The following RALGAPA1 variants were observed in gnomAD, a reference collection of about 807,000 sequenced individuals.
RALGAPA1 encodes Ral GTPase activating protein catalytic subunit alpha 1.
A neutral mutation model predicts 269.6 loss-of-function variants in RALGAPA1; 52 were observed. That is an observed-to-expected ratio of 0.19 (90% CI 0.15 to 0.24). The LOEUF (loss-of-function observed/expected upper bound fraction) is 0.24. RALGAPA1 is among the 10% of genes least tolerant of loss of function. The probability of loss-of-function intolerance (pLI) is 1.00; values close to 1 mark genes in which losing one functional copy is unlikely to be tolerated. For synonymous variants in RALGAPA1, 817 were observed against 1,008.3 expected (o/e 0.81, Z 3.60); for missense variants, 1,917 against 3,013.9 (o/e 0.64, Z 8.52).
At chr14:35,636,212 G>A (rs530460585) in intron 31 of RALGAPA1, among the ~76,000 whole-genome samples, 1 of 151,888 alleles carries the variant, frequency 6.6e-6, no homozygotes, top group African/African-American at 2.4e-5. Flanking sequence ...ATGCCTGGAT[G>A]GACACTTTTA....
At chr14:35,766,885 C>T (rs2074202585) in intron 4 of RALGAPA1, 2 of 435,102 alleles carry the variant, frequency 4.6e-6, no homozygotes, top group Non-Finnish European at 9.1e-6. Flanking sequence ...AGGCTGTAAA[C>T]ATGGCAGGAC....
At position 35,631,067 on chromosome 14, in the gene RALGAPA1, T is replaced by C. The variant is rs974257918; in HGVS notation, c.5996-3116A>G. Among the ~76,000 whole-genome samples the C allele has an allele frequency of 4.6e-5, 7 of 152,204 alleles. No individual in the cohort carries two copies. The East Asian group carries it at 9.6e-4, about 21-fold the overall frequency. ...GTATTTTGAGCTATATGACAAGAAA[T>C]AGGTAGCTTGAATCTAGTGTTTGCT... On this transcript the variant is annotated intron_variant, in intron 33 of 41. Coordinates refer to ENST00000680220, the MANE Select transcript of RALGAPA1 (RefSeq NM_001346249.2).
At chr14:35,771,700 G>A (rs1255747347) in intron 3 of RALGAPA1, among the ~76,000 whole-genome samples, 1 of 151,434 alleles carries the variant, frequency 6.6e-6, no homozygotes, top group Non-Finnish European at 1.5e-5. Flanking sequence ...TTGCTATGTT[G>A]CACAGGCTGG....
intron 1 of RALGAPA1, among the ~76,000 whole-genome samples, chr14:35,791,750 C>T (rs2076185866): frequency 6.7e-6 from 1 of 149,234 alleles, no homozygotes; most frequent in African/African-American, 2.5e-5. Context: ...ACTAAAAATA[C>T]AAAAAATTAG....
In RALGAPA1 at chr14:35,688,566, T is replaced by C. The variant is rs1308028106; in HGVS notation, c.3845A>G (p.Lys1282Arg). ...CTGTGGGGAAACATTTGCCTTCGGC[T>C]TCGAAAGAGCATGTACAACAGTTTT... is the stretch of plus-strand genomic sequence containing the variant. ...VYKTVVHALS[K>R]PKANVSPQRQ... Residue 1282 changes from lysine (K) to arginine (R), a missense_variant, in exon 18 of 42, where the codon AAG (lysine) becomes AGG (arginine). By Grantham distance (26) the Lys-to-Arg change is conservative (BLOSUM62 2). Coordinates refer to ENST00000680220, the MANE Select transcript of RALGAPA1 (RefSeq NM_001346249.2). 3 of 1,536,096 alleles carry C rather than the reference T, an allele frequency of 2.0e-6. No individual in the cohort carries two copies. Among genetic ancestry groups the C allele is most frequent in the Non-Finnish European group, 2.6e-6 (3 of 1,146,858 alleles).
intron 39 of RALGAPA1, among the ~76,000 whole-genome samples, chr14:35,557,694 A>G (rs1174708786): frequency 6.6e-6 from 1 of 152,162 alleles, no homozygotes; most frequent in Non-Finnish European, 1.5e-5. Context: ...CCATTTACTA[A>G]AATTACTTAA....
chr14:35,541,560 A>C (rs2054000418), intron 41 of RALGAPA1, among the ~76,000 whole-genome samples: 1 of 152,182 alleles, frequency 6.6e-6, no homozygotes, highest in Non-Finnish European at 1.5e-5. Context: ...TGAAGATCTG[A>C]ATTGGTTCAT....
chr14:35,616,131 G>C (rs2060238397), intron 35 of RALGAPA1, among the ~76,000 whole-genome samples: 1 of 152,124 alleles, frequency 6.6e-6, no homozygotes, highest in Non-Finnish European at 1.5e-5. Flanking sequence ...AAAGGCAAGG[G>C]AAAGGGAAAT....
intron 35 of RALGAPA1, among the ~76,000 whole-genome samples, chr14:35,612,653 C>A (rs996226372): frequency 6.6e-6 from 1 of 151,780 alleles, no homozygotes; most frequent in Non-Finnish European, 1.5e-5. Context: ...ACTCTCCTGC[C>A]TCAGCCTCCT....
In RALGAPA1 at chr14:35,715,819, A is replaced by G. The variant is rs571719463; in HGVS notation, c.2266+5869T>C. 3 of 985,422 alleles carry G rather than the reference A, an allele frequency of 3.0e-6. No individual in the cohort carries two copies. In the Admixed American group the frequency reaches 1.8e-4, roughly 61 times the overall value. The allele number at this position is 985,422 out of a possible 1,614,324, so 61.0% of individuals were successfully genotyped here. On this transcript the variant is annotated intron_variant, in intron 16 of 41. Coordinates refer to ENST00000680220, the MANE Select transcript of RALGAPA1 (RefSeq NM_001346249.2). Reference sequence around the variant, plus strand: ...CTCAGTCTGAATCCCAGAAGTGATTATCAGCAATTTGCTTCAAGATCATCC... The same window carrying G: ...CTCAGTCTGAATCCCAGAAGTGATTGTCAGCAATTTGCTTCAAGATCATCC...
intron 39 of RALGAPA1, chr14:35,564,484 GA>G (rs1212605048): frequency 8.5e-5 from 13 of 152,230 alleles, no homozygotes; most frequent in Non-Finnish European, 1.6e-4. Flanking sequence ...ACAGGTACTG[GA>G]CATTTGAGTA....
At chr14:35,606,369 T>G (rs1023481702) in intron 35 of RALGAPA1, among the ~76,000 whole-genome samples, 1 of 152,202 alleles carries the variant, frequency 6.6e-6, no homozygotes, top group Non-Finnish European at 1.5e-5. Context: ...GTAGGAATAC[T>G]GTAGGCAATT....
In RALGAPA1 at chr14:35,689,926, C is replaced by T. The variant is rs1381419844; in HGVS notation, c.2485G>A (p.Val829Ile). The change falls in exon 18 of 42, where the codon GTT becomes ATT. Residue 829 changes from valine (V) to isoleucine (I), a missense_variant. Val to Ile is a conservative substitution (Grantham distance 29). This residue lies in a region of RALGAPA1 where 125 missense variants were observed against 155.7 expected (regional missense o/e 0.80). Coordinates refer to ENST00000680220, the MANE Select transcript of RALGAPA1 (RefSeq NM_001346249.2). The part of the protein sequence containing the change: ...FSQSEETGNE[V>I]FGALNEEQPL... ...TGCTCCTCATTCAAAGCACCAAAAA[C>T]TTCATTTCCAGTTTCTTCACTTTGT... is the stretch of plus-strand genomic sequence containing the variant. The T allele has an allele frequency of 6.2e-7, 1 of 1,600,758 alleles. No homozygotes were observed. Among genetic ancestry groups the T allele is most frequent in the South Asian group, 1.1e-5 (1 of 88,896 alleles).
chr14:35,623,542 C>T (rs1313486713), intron 35 of RALGAPA1, among the ~76,000 whole-genome samples: 4 of 152,004 alleles, frequency 2.6e-5, no homozygotes, highest in African/African-American at 9.7e-5. Context: ...GCTTCTCAAG[C>T]TATAAAGGTT....
intron 31 of RALGAPA1, among the ~76,000 whole-genome samples, chr14:35,637,193 C>T (rs1177885749): frequency 1.3e-5 from 2 of 152,086 alleles, no homozygotes; most frequent in Non-Finnish European, 2.9e-5. Flanking sequence ...TCAAGACCAT[C>T]CAGGAAAACA....
At chr14:35,684,867 G>A (rs2065779979) in intron 20 of RALGAPA1, 62 bp downstream of exon 20, 1 of 1,505,818 alleles carries the variant, frequency 6.6e-7, no homozygotes. Context: ...TAATCCGTAA[G>A]TCAGTCTTGA....
rs1335622568 is a variant in RALGAPA1 at position 35,587,869 on chromosome 14, T to A, written c.7209+7765A>T. Among the ~76,000 whole-genome samples the A allele has an allele frequency of 2.6e-5, 4 of 152,234 alleles. No individual in the cohort carries two copies. In the South Asian group the frequency reaches 6.2e-4, roughly 24 times the overall value. On this transcript the variant is annotated intron_variant, in intron 37 of 41. Transcript: ENST00000680220. The stretch of plus-strand genomic sequence containing the variant: ...GTACTCTAGAACTTAAAGTATAATT[T>A]AAAAAAATTAAAAAATAAAACTCAA...
intron 31 of RALGAPA1, among the ~76,000 whole-genome samples, chr14:35,644,035 T>C (rs2062211406): frequency 6.6e-6 from 1 of 152,164 alleles, no homozygotes; most frequent in Admixed American, 6.5e-5. Context: ...ACTAAAAACA[T>C]ATAATTGGAT....
At chr14:35,656,907 G>C (rs1305708958) in intron 28 of RALGAPA1, among the ~76,000 whole-genome samples, 3 of 152,058 alleles carry the variant, frequency 2.0e-5, no homozygotes, top group Non-Finnish European at 2.9e-5. Context: ...TTTAGCTATG[G>C]AAACATCTAT....
Sources: allele counts gnomAD v4.1 joint callset (sites outside exome capture counted in the v4.1 genomes callset), GRCh38; gene constraint gnomAD v4.1.1; regional missense constraint gnomAD v4.1.1; transcripts MANE v1.5; gene names NCBI Gene and HGNC (gene_info 2026-07-23, HGNC 2026-07-21).